Variants in PTRH1 observed in about 807,000 individuals in gnomAD.
PTRH1 encodes peptidyl-tRNA hydrolase.
PTRH1 carries 13 observed loss-of-function variants against 15.7 expected under a neutral mutation model. The observed-to-expected ratio is 0.83, with a 90% CI of 0.54 to 1.31. The LOEUF (loss-of-function observed/expected upper bound fraction) is 1.31. PTRH1 is among the 40% of genes most tolerant of loss of function. The pLI is 0.00. For synonymous variants in PTRH1, 139 were observed against 136.7 expected (o/e 1.02, Z -0.12); for missense variants, 319 against 296.2 (o/e 1.08, Z -0.56).
chr9:127,711,095 T>C (rs1468907986), downstream of PTRH1: 6 of 1,144,340 alleles, frequency 5.2e-6, no homozygotes, highest in Non-Finnish European at 6.1e-6. Context: ...CTCCCACCCA[T>C]AGCCCCAACC....
At chr9:127,713,619 G>C (rs1842822355), downstream of PTRH1, 3 of 422,088 alleles carry the variant, frequency 7.1e-6, no homozygotes, top group Non-Finnish European at 1.3e-5. Flanking sequence ...TGATTCTCCT[G>C]CCTCAGTCTC....
downstream of PTRH1, chr9:127,710,886 T>G: frequency 9.7e-7 from 1 of 1,029,790 alleles, no homozygotes; most frequent in Non-Finnish European, 1.4e-6. Context: ...GACAACCTGC[T>G]ACTCCTTGGA....
At chr9:127,707,527 T>C (rs1423604984) in intron 1 of PTRH1, among the ~76,000 whole-genome samples, 1 of 152,090 alleles carries the variant, frequency 6.6e-6, no homozygotes, top group African/African-American at 2.4e-5. Context: ...AACAGCCCTC[T>C]GGCAGGCGGG....
chr9:127,695,092 A>ATGG (rs756165479), exon 2 of PTRH1: 2 of 700,636 alleles, frequency 2.9e-6, no homozygotes, highest in Admixed American at 2.0e-5. Context: ...GATGATGATG[A>ATGG]TGGTGATGAT....
chr9:127,714,179 G>A lies in PTRH1; in HGVS notation c.566C>T (p.Pro189Leu), dbSNP rs1343033078. ...CFSPAEQELL[P>L]LLLDRATDLI... Reference sequence around the variant, plus strand: ...GTCGGTGGCTCGATCCAGCAACAGAGGCAGCAGCTCCTGCTCAGCAGGGGA... The same window carrying A: ...GTCGGTGGCTCGATCCAGCAACAGAAGCAGCAGCTCCTGCTCAGCAGGGGA... The change falls in exon 5 of 5, where the codon CCT becomes CTT. Residue 189 changes from proline to leucine, a missense_variant. Coordinates refer to ENST00000543175, the MANE Select transcript of PTRH1 (RefSeq NM_001002913.3). 2 of 1,613,806 alleles carry A rather than the reference G, an allele frequency of 1.2e-6. No individual in the cohort carries two copies. The highest frequency in any genetic ancestry group is 1.7e-6 in the Non-Finnish European group (2 of 1,180,016).
At position 127,714,656 on chromosome 9, in the gene PTRH1, A is replaced by C. The variant is rs1404626824; in HGVS notation, c.363T>G (p.Asp121Glu). 1 of 1,613,890 alleles carries C rather than the reference A, an allele frequency of 6.2e-7. No individual in the cohort carries two copies. The highest frequency in any genetic ancestry group is 2.2e-5 in the East Asian group (1 of 44,852). Residue 121 changes from aspartate to glutamate, a missense_variant, in exon 3 of 5, where the codon GAT becomes GAG. By Grantham distance (45) the Asp-to-Glu change is conservative. Coordinates refer to ENST00000543175, the MANE Select transcript of PTRH1 (RefSeq NM_001002913.3). Reference sequence around the variant, plus strand: ...GTCTCCCCAGGGGCTTGTCCAGCTCATCATGCACCAGGTAGACTTCCTCGG... The same window carrying C: ...GTCTCCCCAGGGGCTTGTCCAGCTCCTCATGCACCAGGTAGACTTCCTCGG... ...LTAEEVYLVH[D>E]ELDKPLGRLA...
chr9:127,709,397 G>A (rs546058920), downstream of PTRH1: 1 of 1,608,100 alleles, frequency 6.2e-7, no homozygotes, highest in South Asian at 1.1e-5. The surrounding 1 kb of genome is among the most constrained non-coding windows in gnomAD (Gnocchi z 4.7). Flanking sequence ...CTGACCCCTG[G>A]ACCACGGCTC....
downstream of PTRH1, chr9:127,710,828 C>A: frequency 6.7e-7 from 1 of 1,495,634 alleles, no homozygotes; most frequent in Non-Finnish European, 9.1e-7. Context: ...AGTCTTCAGG[C>A]CTCAGCTTCT....
chr9:127,706,562 C>A (rs1031615227), intron 1 of PTRH1, among the ~76,000 whole-genome samples: 1 of 152,158 alleles, frequency 6.6e-6, no homozygotes, highest in Non-Finnish European at 1.5e-5. Flanking sequence ...CTCATAGAGG[C>A]ACCCAGCTGC....
rs1195987937 is a variant in PTRH1 at position 127,705,740 on chromosome 9, C to T, written c.205+9695G>A. The stretch of plus-strand genomic sequence containing the variant: ...GGGGCAATGTCCAGCAGGAGCAGGG[C>T]CATCGCATTGAGCTGGAAGGGCACT... On this transcript the variant is annotated intron_variant, in intron 1 of 2. Transcript: ENST00000335223. The surrounding 1 kb of genome is among the most constrained non-coding windows in gnomAD (Gnocchi z 4.7). Among the ~76,000 whole-genome samples, 1 of 152,230 alleles carries T rather than the reference C, an allele frequency of 6.6e-6. No individual in the cohort carries two copies. Among genetic ancestry groups the T allele is most frequent in the Admixed American group, 6.5e-5 (1 of 15,290 alleles).
chr9:127,694,900 G>T, intron 2 of PTRH1: 1 of 685,584 alleles, frequency 1.5e-6, no homozygotes, highest in South Asian at 1.5e-5. Flanking sequence ...AGAGTGGTTA[G>T]GAGCACAGAC....
At chr9:127,694,649 C>T (rs1842540130) in intron 2 of PTRH1, among the ~76,000 whole-genome samples, 2 of 151,888 alleles carry the variant, frequency 1.3e-5, no homozygotes, top group Admixed American at 1.3e-4. Flanking sequence ...TGGTGTCATT[C>T]CGAGGTGGGT....
In PTRH1 at chr9:127,714,770, A is replaced by G. The variant is rs1842887964; in HGVS notation, c.317-68T>C. 3 of 1,331,716 alleles carry G rather than the reference A, an allele frequency of 2.3e-6. No individual in the cohort carries two copies. The East Asian group carries it at 7.5e-5, about 33-fold the overall frequency. The allele number at this position is 1,331,716 out of a possible 1,614,324, so 82.5% of individuals were successfully genotyped here. On this transcript the variant is annotated intron_variant, in intron 2 of 4. Coordinates refer to ENST00000543175, the MANE Select transcript of PTRH1 (RefSeq NM_001002913.3). ...CCAGAGAGGCACTGTCCCGACTCCC[A>G]TGATGAGGGACCACAACTAATCCCA...
downstream of PTRH1, chr9:127,709,552 A>C (rs757606132): frequency 2.5e-6 from 4 of 1,614,134 alleles, no homozygotes; most frequent in South Asian, 4.4e-5. This position sits in a 1 kb window ranked among gnomAD's most constrained non-coding sequence, Gnocchi z 4.7. Flanking sequence ...GGTGGATGAG[A>C]TCACAGACCT....
chr9:127,697,017 A>T (rs1004268908), intron 1 of PTRH1, among the ~76,000 whole-genome samples: 1 of 152,226 alleles, frequency 6.6e-6, no homozygotes, highest in Non-Finnish European at 1.5e-5. Context: ...ATAAAGTGGT[A>T]CAATAAAAAT....
In PTRH1 at chr9:127,715,261, T is replaced by C; in HGVS notation, c.97-67A>G. Reference sequence around the variant, plus strand: ...CCACCCCCGATCTCACAGCGTCCCGTGGGCCCCAACGCAGAGGAGCGGAAA... The same window carrying C: ...CCACCCCCGATCTCACAGCGTCCCGCGGGCCCCAACGCAGAGGAGCGGAAA... On this transcript the variant is annotated intron_variant, in intron 1 of 4. Coordinates refer to ENST00000543175, the MANE Select transcript of PTRH1 (RefSeq NM_001002913.3). This position sits in a 1 kb window ranked among gnomAD's most constrained non-coding sequence, Gnocchi z 5.8. 6.7e-7 allele frequency: 1 copy of C among 1,483,478 alleles called. No individual in the cohort carries two copies. Among genetic ancestry groups the C allele is most frequent in the Non-Finnish European group, 9.1e-7 (1 of 1,099,422 alleles). The allele number at this position is 1,483,478 out of a possible 1,614,324, so 91.9% of individuals were successfully genotyped here.
At chr9:127,712,098 G>A, downstream of PTRH1, 1 of 1,525,678 alleles carries the variant, frequency 6.6e-7, no homozygotes, top group Non-Finnish European at 8.8e-7. Flanking sequence ...CGGGATGGGG[G>A]CCCCTGTGGG....
intron 1 of PTRH1, among the ~76,000 whole-genome samples, chr9:127,704,069 C>T (rs2131579324): frequency 6.6e-6 from 1 of 152,306 alleles, no homozygotes; most frequent in African/African-American, 2.4e-5. Flanking sequence ...CTGCCTAGAG[C>T]ATAACACCCC....
chr9:127,710,675 G>C, downstream of PTRH1: 1 of 1,581,544 alleles, frequency 6.3e-7, no homozygotes. Flanking sequence ...ATTGCTGGAG[G>C]AGCAGGTGCG....
Sources: allele counts gnomAD v4.1 joint callset (sites outside exome capture counted in the v4.1 genomes callset), GRCh38; gene constraint gnomAD v4.1.1; non-coding constraint Gnocchi (gnomAD v3.1); transcripts MANE v1.5; gene names NCBI Gene and HGNC (gene_info 2026-07-23, HGNC 2026-07-21).